ADAMTSL1: variants seen among roughly 807,000 people sequenced by gnomAD.
ADAMTSL1 encodes ADAMTS like 1, also known as ADAMTS-like protein 1.
ADAMTSL1 carries 126 observed loss-of-function variants against 201.8 expected under a neutral mutation model. That is an observed-to-expected ratio of 0.62 (90% CI 0.54 to 0.72). ADAMTSL1 has a LOEUF of 0.72. Ranked by LOEUF, ADAMTSL1 falls within the 30% of genes least tolerant of loss-of-function variation. The probability of loss-of-function intolerance (pLI) is 0.00; values close to 1 mark genes in which losing one functional copy is unlikely to be tolerated. For missense variants in ADAMTSL1, 2,679 were observed against 2,277.8 expected (o/e 1.18, Z -3.59); for synonymous variants, 1,121 against 903.4 (o/e 1.24, Z -4.32).
intron 2 of ADAMTSL1, among the ~76,000 whole-genome samples, chr9:18,303,209 G>A (rs527790628): frequency 6.6e-6 from 1 of 152,208 alleles, no homozygotes; most frequent in East Asian, 1.9e-4. Flanking sequence ...GAGTGTTCAT[G>A]TACAAAAGTA....
At chr9:18,102,139 G>A (rs973652317) in intron 1 of ADAMTSL1, among the ~76,000 whole-genome samples, 2 of 152,168 alleles carry the variant, frequency 1.3e-5, no homozygotes, top group African/African-American at 4.8e-5. Flanking sequence ...TTAAAAGTAT[G>A]CCATTTGAAA....
At chr9:18,347,514 T>A (rs1387569917) in intron 2 of ADAMTSL1, among the ~76,000 whole-genome samples, 3 of 152,184 alleles carry the variant, frequency 2.0e-5, no homozygotes, top group Admixed American at 6.5e-5. Flanking sequence ...GAGCAAAACC[T>A]CTTCAGCTCT....
intron 10 of ADAMTSL1, among the ~76,000 whole-genome samples, chr9:18,676,483 T>A (rs1830137116): frequency 1.3e-5 from 2 of 152,142 alleles, no homozygotes; most frequent in South Asian, 4.1e-4. Flanking sequence ...ATTGCTTTTT[T>A]AAAGTACAGT....
intron 1 of ADAMTSL1, among the ~76,000 whole-genome samples, chr9:18,133,590 C>G (rs10810905): frequency 6.6e-6 from 1 of 152,026 alleles, no homozygotes. Flanking sequence ...CTGTATACCA[C>G]GAGCTTTTGA....
intron 1 of ADAMTSL1, among the ~76,000 whole-genome samples, chr9:18,498,749 C>A (rs1423663119): frequency 6.6e-6 from 1 of 152,186 alleles, no homozygotes; most frequent in African/African-American, 2.4e-5. Context: ...TGTGCTCTTT[C>A]TCCTGCAGCA....
At chr9:18,554,250 T>C (rs1382339636) in intron 3 of ADAMTSL1, among the ~76,000 whole-genome samples, 1 of 151,844 alleles carries the variant, frequency 6.6e-6, no homozygotes, top group Non-Finnish European at 1.5e-5. Flanking sequence ...GCATGTTAAA[T>C]TTTTTTATTT....
At chr9:18,509,240 A>G (rs1351243464) in intron 2 of ADAMTSL1, among the ~76,000 whole-genome samples, 3 of 122,166 alleles carry the variant, frequency 2.5e-5, no homozygotes, top group African/African-American at 5.9e-5. Flanking sequence ...AAAGAAATAG[A>G]TATGTTCTGG....
intron 2 of ADAMTSL1, among the ~76,000 whole-genome samples, chr9:18,250,921 C>A (rs1831441903): frequency 6.6e-6 from 1 of 152,070 alleles, no homozygotes; most frequent in Non-Finnish European, 1.5e-5. Context: ...AAACTCTGGT[C>A]AGGAGAGAAT....
rs371613467 is a variant in ADAMTSL1 at position 18,740,361 on chromosome 9, G to A, written c.2007-12937G>A. On this transcript the variant is annotated intron_variant, in intron 15 of 28. Transcript: ENST00000380548. ...CACTGCTTCCCAGTCTCCCCCACCC[G>A]CACCCACCCCTACATAATTATATCA... Among the ~76,000 whole-genome samples the A allele has an allele frequency of 2.0e-4, 26 of 128,742 alleles. No homozygotes were observed. The East Asian group carries it at 3.9e-3, about 19-fold the overall frequency. The allele number at this position is 128,742 out of a possible 152,430, so 84.5% of individuals were successfully genotyped here. A position where few individuals can be genotyped will look rare whatever the true frequency, so the allele number is the denominator to read the frequency against.
intron 2 of ADAMTSL1, among the ~76,000 whole-genome samples, chr9:18,210,266 T>A (rs1328491890): frequency 1.3e-5 from 2 of 151,180 alleles, no homozygotes; most frequent in African/African-American, 4.8e-5. Context: ...TCAGAGTTTT[T>A]AATTAATACT....
At chr9:18,463,344 T>C (rs1421738951) in intron 2 of ADAMTSL1, among the ~76,000 whole-genome samples, 3 of 152,214 alleles carry the variant, frequency 2.0e-5, no homozygotes, top group Non-Finnish European at 4.4e-5. Flanking sequence ...TTTTCTTTTA[T>C]CGTCTTTTTT....
In ADAMTSL1 at chr9:18,826,390, T is replaced by A; in HGVS notation, c.4041T>A (p.Asp1347Glu). The A allele has an allele frequency of 6.2e-7, 1 of 1,613,794 alleles. No individual in the cohort carries two copies. Among genetic ancestry groups the A allele is most frequent in the Non-Finnish European group, 8.5e-7 (1 of 1,179,842 alleles). The change falls in exon 22 of 29, where the codon GAT (aspartate) becomes GAA (glutamate). Residue 1347 changes from aspartate to glutamate, a missense_variant. By Grantham distance (45) the Asp-to-Glu change is conservative. Transcript: ENST00000380548. Reference protein sequence around the residue: ...SLLLTNVSSSDQGLYSCRAAN... With the variant: ...SLLLTNVSSSEQGLYSCRAAN... The stretch of plus-strand genomic sequence containing the variant: ...TGCTCACAAACGTGTCCTCCTCGGA[T>A]CAGGGCCTGTACTCCTGCAGGGCGG...
intron 20 of ADAMTSL1, among the ~76,000 whole-genome samples, chr9:18,800,925 A>G (rs1822754400): frequency 6.6e-6 from 1 of 152,210 alleles, no homozygotes. Context: ...CATCAATTAA[A>G]TAATTAGAAG....
chr9:18,728,380 T>A (rs1818022698), intron 15 of ADAMTSL1, among the ~76,000 whole-genome samples: 1 of 152,144 alleles, frequency 6.6e-6, no homozygotes, highest in Non-Finnish European at 1.5e-5. Context: ...CTCTGGGAAA[T>A]GTCTTTATAT....
intron 20 of ADAMTSL1, among the ~76,000 whole-genome samples, chr9:18,811,886 T>C (rs1014260434): frequency 7.2e-5 from 11 of 152,104 alleles, no homozygotes; most frequent in African/African-American, 1.7e-4. Context: ...ATTAGGTTAA[T>C]GTAACAAAAT....
At chr9:18,572,187 TC>T (rs1822362837) in intron 3 of ADAMTSL1, among the ~76,000 whole-genome samples, 1 of 149,554 alleles carries the variant, frequency 6.7e-6, no homozygotes, top group Non-Finnish European at 1.5e-5. Context: ...AGAGCGAGAC[TC>T]CTTGTCAAAA....
intron 1 of ADAMTSL1, among the ~76,000 whole-genome samples, chr9:18,129,642 C>A (rs1205618660): frequency 6.6e-6 from 1 of 152,030 alleles, no homozygotes; most frequent in Non-Finnish European, 1.5e-5. Flanking sequence ...TTAAGTTAAT[C>A]TTATTTAAAA....
intron 2 of ADAMTSL1, among the ~76,000 whole-genome samples, chr9:18,170,459 C>T (rs1827839170): frequency 6.6e-6 from 1 of 151,962 alleles, no homozygotes; most frequent in African/African-American, 2.4e-5. Flanking sequence ...AAAGGTACCA[C>T]TTACAGTAGT....
At chr9:18,538,950 C>G (rs1564028955) in intron 3 of ADAMTSL1, among the ~76,000 whole-genome samples, 1 of 151,998 alleles carries the variant, frequency 6.6e-6, no homozygotes, top group Non-Finnish European at 1.5e-5. Context: ...GAGAAATACC[C>G]CTGAAGTCTA....
Sources: allele counts gnomAD v4.1 joint callset (sites outside exome capture counted in the v4.1 genomes callset), GRCh38; gene constraint gnomAD v4.1.1; transcripts MANE v1.5; gene names NCBI Gene and HGNC (gene_info 2026-07-23, HGNC 2026-07-21).